Variants in MMS19 observed in about 807,000 individuals in gnomAD.
MMS19 encodes the protein MMS19 cytosolic iron-sulfur assembly component.
Under a neutral mutation model 129.8 loss-of-function variants are expected in MMS19, and 77 were observed. The ratio of observed to expected loss-of-function variants is 0.59; its 90% CI spans 0.49 to 0.72. The LOEUF (loss-of-function observed/expected upper bound fraction) is 0.72, where lower values mean the gene tolerates loss of function less well. Ranked by LOEUF, MMS19 falls within the 30% of genes least tolerant of loss-of-function variation. The probability of loss-of-function intolerance (pLI) is 0.00; values close to 1 mark genes in which losing one functional copy is unlikely to be tolerated. For synonymous variants in MMS19, 491 were observed against 502.8 expected (o/e 0.98, Z 0.31); for missense variants, 1,168 against 1,266.3 (o/e 0.92, Z 1.18).
rs369954488 is a variant in MMS19, at chr10:97,460,867, T to G, written c.2412+40A>C. The G allele has an allele frequency of 6.0e-5, 92 of 1,536,622 alleles. 1 individual carries two copies. The African/African-American group carries it at 7.9e-4, about 13-fold the overall frequency. ...GGACATTTTATTTAACCAGACATAA[T>G]TGCCTCTCTGGCTAACCAGACTCCA... is the stretch of plus-strand genomic sequence containing the variant. On this transcript the variant is annotated intron_variant, in intron 24 of 30. Coordinates refer to ENST00000438925, the MANE Select transcript of MMS19 (RefSeq NM_022362.5).
In MMS19 at chr10:97,466,535, G is replaced by C; in HGVS notation, c.1474C>G (p.Leu492Val). The change falls in exon 16 of 31, where the codon CTG becomes GTG. Residue 492 changes from leucine to valine, a missense_variant. Transcript: ENST00000438925. ...LELAVGHLYRLSFLKEDSQSC... is the reference protein window; with the variant it reads ...LELAVGHLYRVSFLKEDSQSC... ...TGGGAATCCTCCTTCAGGAAGCTCA[G>C]TCTGTACAGGTGACCCACTGCCAGC... The C allele has an allele frequency of 6.2e-7, 1 of 1,613,884 alleles. No homozygotes were observed.
At chr10:97,495,857 C>T (rs1052339752) in intron 1 of MMS19, among the ~76,000 whole-genome samples, 1 of 152,268 alleles carries the variant, frequency 6.6e-6, no homozygotes, top group Non-Finnish European at 1.5e-5. Context: ...TCTCCGCTCA[C>T]GGCAGCCTCT....
rs1303728851 is a variant in MMS19, at chr10:97,480,930, T to C, written c.262+12A>G. On this transcript the variant is annotated intron_variant, in intron 3 of 30. Transcript: ENST00000438925. ...CAATCCAGGAAGACATTCCTATTAG[T>C]GACACCAGTACCTTCCTTCTCCAGG... 1.2e-5 allele frequency: 19 copies of C among 1,572,370 alleles called. No homozygotes were observed. The Middle Eastern group carries it at 5.0e-4, about 41-fold the overall frequency.
Position 97,459,218 on chromosome 10 carries a change from C to T in MMS19, c.2964+5G>A. 1.2e-6 allele frequency: 2 copies of T among 1,610,300 alleles called. No individual in the cohort carries two copies. Among genetic ancestry groups the T allele is most frequent in the Non-Finnish European group, 1.7e-6 (2 of 1,178,324 alleles). ...AGGCCAGGGAAGGACACCTGAGGTA[C>T]TTACCACAGGGGTGGGCAGGCGAGT... On this transcript the variant is annotated splice_donor_5th_base_variant and intron_variant, in intron 29 of 30. Transcript: ENST00000438925.
At chr10:97,498,172 T>C (rs920271587) in intron 1 of MMS19, 101 bp downstream of exon 1, 3 of 1,178,500 alleles carry the variant, frequency 2.5e-6, no homozygotes, top group South Asian at 1.4e-5. Flanking sequence ...GACCAATCTC[T>C]CAAAGTCACC....
intron 1 of MMS19, among the ~76,000 whole-genome samples, chr10:97,488,417 A>G (rs919408291): frequency 6.6e-5 from 10 of 152,204 alleles, no homozygotes; most frequent in Non-Finnish European, 1.3e-4. Flanking sequence ...GCTTTAACCC[A>G]GGAAAGCTAG....
intron 1 of MMS19, among the ~76,000 whole-genome samples, chr10:97,488,070 CAG>C (rs1262490842): frequency 1.3e-5 from 2 of 151,938 alleles, no homozygotes; most frequent in African/African-American, 2.4e-5. Flanking sequence ...GCCTGGGTGA[CAG>C]AGTGACGATC....
At chr10:97,496,378 G>A (rs1283852327) in intron 1 of MMS19, among the ~76,000 whole-genome samples, 1 of 151,836 alleles carries the variant, frequency 6.6e-6, no homozygotes, top group Admixed American at 6.6e-5. Flanking sequence ...CGAGCGCAGT[G>A]GCACACTCCC....
chr10:97,469,968 G>A (rs1246334034), intron 10 of MMS19, among the ~76,000 whole-genome samples, 161 bp downstream of exon 10: 1 of 152,140 alleles, frequency 6.6e-6, no homozygotes, highest in Non-Finnish European at 1.5e-5. Flanking sequence ...GGGACACGAC[G>A]ATATGCAGCT....
rs746314173 is a variant in MMS19 at position 97,468,421 on chromosome 10, C to A, written c.1064-15G>T. The A allele has an allele frequency of 1.3e-6, 2 of 1,585,074 alleles. No individual in the cohort carries two copies. The highest frequency in any genetic ancestry group is 1.7e-6 in the Non-Finnish European group (2 of 1,160,526). On this transcript the variant is annotated splice_polypyrimidine_tract_variant and intron_variant, in intron 12 of 30. Coordinates refer to ENST00000438925, the MANE Select transcript of MMS19 (RefSeq NM_022362.5). ...GTGCCTGCAGTCTAGAGAAGCAGCACATCACAGAGCTGGGGAGGAGGCCAA... is the reference window on the plus strand; with the variant it reads ...GTGCCTGCAGTCTAGAGAAGCAGCAAATCACAGAGCTGGGGAGGAGGCCAA...
intron 5 of MMS19, 135 bp downstream of exon 5, chr10:97,477,720 T>G: frequency 1.4e-6 from 1 of 690,768 alleles, no homozygotes; most frequent in Admixed American, 3.1e-5. Context: ...ATAAACATAC[T>G]GAAGAAGAGC....
rs1364355124 is a variant in MMS19 at position 97,461,084 on chromosome 10, T to C, written c.2312-77A>G. The C allele has an allele frequency of 1.4e-5, 17 of 1,190,476 alleles. No individual in the cohort carries two copies. The Admixed American group carries it at 4.3e-4, about 30-fold the overall frequency. The allele number at this position is 1,190,476 out of a possible 1,614,324, so 73.7% of individuals were successfully genotyped here. On this transcript the variant is annotated intron_variant, in intron 23 of 30. Transcript: ENST00000438925. ...GCAATGAAATGCAAATCACTTTAAG[T>C]GCAGAGCTCCCTGAGAAGCTGTTAG...
chr10:97,469,731 G>A lies in MMS19; in HGVS notation c.847-8C>T. The A allele has an allele frequency of 6.2e-7, 1 of 1,613,218 alleles. No homozygotes were observed. The highest frequency in any genetic ancestry group is 8.5e-7 in the Non-Finnish European group (1 of 1,179,376). ...CACAGCACAGCAAGCATTCTGCCAA[G>A]GAAACCGCTGCTATCAGTTATGTAC... On this transcript the variant is annotated splice_region_variant and splice_polypyrimidine_tract_variant and intron_variant, in intron 10 of 30. Transcript: ENST00000438925.
At chr10:97,470,072 T>C (rs1457138494) in intron 10 of MMS19, 57 bp downstream of exon 10, 3 of 1,154,412 alleles carry the variant, frequency 2.6e-6, no homozygotes, top group Non-Finnish European at 3.8e-6. Flanking sequence ...CTATATCCTT[T>C]AGGACCCCTA....
At chr10:97,496,786 C>T (rs2039876476) in intron 1 of MMS19, among the ~76,000 whole-genome samples, 1 of 152,110 alleles carries the variant, frequency 6.6e-6, no homozygotes, top group Non-Finnish European at 1.5e-5. Flanking sequence ...TTCCATTTTA[C>T]ATCAAAATAA....
In MMS19 at chr10:97,458,838, T is replaced by G; in HGVS notation, c.3027A>C (p.Arg1009Ser). 6.2e-7 allele frequency: 1 copy of G among 1,613,952 alleles called. No homozygotes were observed. Among genetic ancestry groups the G allele is most frequent in the Non-Finnish European group, 8.5e-7 (1 of 1,179,874 alleles). Residue 1009 changes from arginine (R) to serine (S), a missense_variant, in exon 30 of 31, where the codon AGA (arginine) becomes AGC (serine). By Grantham distance (110) the Arg-to-Ser change is moderately radical. This residue lies in a region of MMS19 where 831 missense variants were observed against 910.8 expected (regional missense o/e 0.91). Coordinates refer to ENST00000438925, the MANE Select transcript of MMS19 (RefSeq NM_022362.5). ...CTGACACTGCTTCCTTGCGCACCAG[T>G]CTCTTCTTGTCATCCAGGGGTTTGG... Reference protein sequence around the residue: ...ALAKPLDDKKRLVRKEAVSAR... With the variant: ...ALAKPLDDKKSLVRKEAVSAR...
chr10:97,497,862 G>A (rs2040087801), intron 1 of MMS19, among the ~76,000 whole-genome samples: 1 of 152,084 alleles, frequency 6.6e-6, no homozygotes. Flanking sequence ...GGGAGCGGAC[G>A]CTGCGAGGAT....
intron 8 of MMS19, among the ~76,000 whole-genome samples, chr10:97,474,852 G>A (rs2035448652): frequency 6.6e-6 from 1 of 152,038 alleles, no homozygotes; most frequent in African/African-American, 2.4e-5. Context: ...GCAGTAAAGG[G>A]GTATGAAAGA....
rs755998597 is a variant in MMS19 at position 97,476,747 on chromosome 10, G to C, written c.623-3C>G. ...AAACAACTCCTCCACAAAGGGTCCT[G>C]TGGCAACAGAGAAAAAATGAGGTTG... On this transcript the variant is annotated splice_polypyrimidine_tract_variant and splice_region_variant and intron_variant, in intron 7 of 30. Transcript: ENST00000438925. 6.2e-7 allele frequency: 1 copy of C among 1,613,924 alleles called. No homozygotes were observed. Among genetic ancestry groups the C allele is most frequent in the Non-Finnish European group, 8.5e-7 (1 of 1,179,862 alleles).
Sources: allele counts gnomAD v4.1 joint callset (sites outside exome capture counted in the v4.1 genomes callset), GRCh38; gene constraint gnomAD v4.1.1; regional missense constraint gnomAD v4.1.1; transcripts MANE v1.5; gene names NCBI Gene and HGNC (gene_info 2026-07-23, HGNC 2026-07-21).